The following PRKAR2B variants were observed in gnomAD, a reference collection of about 807,000 sequenced individuals.
PRKAR2B encodes protein kinase cAMP-dependent type II regulatory subunit beta.
Under a neutral mutation model 49.9 loss-of-function variants are expected in PRKAR2B, and 14 were observed. The observed-to-expected ratio is 0.28, with a 90% CI of 0.19 to 0.44. The LOEUF (loss-of-function observed/expected upper bound fraction) is 0.44, where lower values mean the gene tolerates loss of function less well. Among genes scored for constraint, PRKAR2B ranks in the 20% least tolerant of loss-of-function variants. PRKAR2B has a pLI of 1.00. For missense variants in PRKAR2B, 393 were observed against 537.9 expected (o/e 0.73, Z 2.67); for synonymous variants, 196 against 197.7 (o/e 0.99, Z 0.07).
chr7:107,063,637 A>G (rs983371745), intron 1 of PRKAR2B, among the ~76,000 whole-genome samples: 1 of 152,144 alleles, frequency 6.6e-6, no homozygotes, highest in African/African-American at 2.4e-5. Flanking sequence ...TGGCAGGAAT[A>G]TCTTCATTCT....
At chr7:107,155,411 T>C (rs542125655) in intron 8 of PRKAR2B, among the ~76,000 whole-genome samples, 1 of 152,066 alleles carries the variant, frequency 6.6e-6, no homozygotes, top group South Asian at 2.1e-4. Flanking sequence ...AAAAAATAAA[T>C]AAATACGGGT....
At chr7:107,048,430 G>A (rs999706160) in intron 1 of PRKAR2B, among the ~76,000 whole-genome samples, 2 of 151,968 alleles carry the variant, frequency 1.3e-5, no homozygotes, top group African/African-American at 4.8e-5. Flanking sequence ...TGATGGATTT[G>A]CATTGTTGGT....
intron 2 of PRKAR2B, among the ~76,000 whole-genome samples, chr7:107,071,294 CATTTT>C (rs1794271767): frequency 6.6e-6 from 1 of 152,120 alleles, no homozygotes; most frequent in South Asian, 2.1e-4. Flanking sequence ...ATATTAAAGA[CATTTT>C]AATGTTGAAT....
chr7:107,144,745 A>T (rs1046730847), intron 5 of PRKAR2B, among the ~76,000 whole-genome samples: 1 of 148,998 alleles, frequency 6.7e-6, no homozygotes, highest in East Asian at 2.0e-4. Context: ...GGCATGAGGT[A>T]CCAGGCCTGG....
At chr7:107,076,521 A>G (rs1794400735) in intron 2 of PRKAR2B, among the ~76,000 whole-genome samples, 1 of 152,202 alleles carries the variant, frequency 6.6e-6, no homozygotes, top group Admixed American at 6.5e-5. Flanking sequence ...CATAGATGGC[A>G]TTAGCACAGC....
chr7:107,093,128 G>T (rs1371823284), intron 2 of PRKAR2B, among the ~76,000 whole-genome samples: 1 of 152,140 alleles, frequency 6.6e-6, no homozygotes, highest in Non-Finnish European at 1.5e-5. Context: ...TCTGTTGATG[G>T]ACACTTGGGT....
intron 2 of PRKAR2B, among the ~76,000 whole-genome samples, chr7:107,084,375 GTTA>G (rs1794575357): frequency 6.7e-6 from 1 of 148,834 alleles, no homozygotes; most frequent in Non-Finnish European, 1.5e-5. Context: ...TAAATGTTAT[GTTA>G]TTATCTTTTC....
chr7:107,128,883 C>T (rs1229637673), intron 4 of PRKAR2B: 1 of 150,104 alleles, frequency 6.7e-6, no homozygotes, highest in Non-Finnish European at 1.5e-5. Context: ...TATGAGTGCA[C>T]GTGCTGTTCA....
intron 6 of PRKAR2B, among the ~76,000 whole-genome samples, chr7:107,150,674 T>C (rs1041565431): frequency 3.7e-4 from 51 of 138,850 alleles, no homozygotes; most frequent in Non-Finnish European, 6.2e-4. Flanking sequence ...CTGTTATGTA[T>C]AAAAAGTCAA....
At chr7:107,157,528 T>G (rs542376124) in intron 10 of PRKAR2B, among the ~76,000 whole-genome samples, 47 of 152,344 alleles carry the variant, frequency 3.1e-4, no homozygotes, top group Admixed American at 2.1e-3. Flanking sequence ...TACATTTTGC[T>G]CTTCTTGTGT....
chr7:107,153,363 T>TA, intron 8 of PRKAR2B, 112 bp downstream of exon 8: 1 of 607,298 alleles, frequency 1.6e-6, no homozygotes, highest in Non-Finnish European at 2.7e-6. Context: ...AGTGATGGGT[T>TA]AAATAAATAT....
At chr7:107,145,639 G>A (rs548154727) in intron 5 of PRKAR2B, among the ~76,000 whole-genome samples, 21 of 150,502 alleles carry the variant, frequency 1.4e-4, no homozygotes, top group African/African-American at 5.1e-4. Context: ...GGCTGGTCTT[G>A]AACTCCTAGG....
chr7:107,113,989 A>G (rs949444123), intron 2 of PRKAR2B, among the ~76,000 whole-genome samples: 3 of 152,198 alleles, frequency 2.0e-5, no homozygotes, highest in African/African-American at 7.2e-5. Context: ...TTCTTTGTTG[A>G]TAGGATTCCT....
intron 4 of PRKAR2B, among the ~76,000 whole-genome samples, chr7:107,138,205 A>C (rs1795732435): frequency 1.3e-5 from 2 of 152,172 alleles, no homozygotes; most frequent in Non-Finnish European, 2.9e-5. Flanking sequence ...AGAATGTACA[A>C]CACCAATAGC....
chr7:107,129,496 C>G (rs1405263309), intron 4 of PRKAR2B, among the ~76,000 whole-genome samples: 1 of 152,142 alleles, frequency 6.6e-6, no homozygotes, highest in African/African-American at 2.4e-5. Flanking sequence ...TGTACGCGCA[C>G]TAGGCTCTCA....
intron 8 of PRKAR2B, among the ~76,000 whole-genome samples, chr7:107,156,322 C>T (rs1584457873): frequency 6.6e-6 from 1 of 152,012 alleles, no homozygotes; most frequent in East Asian, 1.9e-4. Context: ...CCTGTAATCC[C>T]AGCTACTTGG....
intron 1 of PRKAR2B, among the ~76,000 whole-genome samples, chr7:107,068,170 A>G (rs1794190177): frequency 6.6e-6 from 1 of 152,164 alleles, no homozygotes; most frequent in Admixed American, 6.5e-5. Context: ...TAAACACTTC[A>G]GAAAGACACA....
intron 4 of PRKAR2B, 143 bp downstream of exon 4, chr7:107,128,438 A>T: frequency 1.7e-6 from 1 of 589,402 alleles, no homozygotes; most frequent in East Asian, 2.9e-5. Context: ...GGATGCTTGA[A>T]TGCACAGTAG....
intron 4 of PRKAR2B, among the ~76,000 whole-genome samples, chr7:107,137,614 TTTTGACAAA>T (rs1332476934): frequency 1.2e-4 from 19 of 152,190 alleles, no homozygotes; most frequent in African/African-American, 4.6e-4. Context: ...TTTTATTAAA[TTTTGACAAA>T]TGGCTTTTTT....
Sources: gnomAD v4.1 joint callset for allele counts (sites outside exome capture counted in the v4.1 genomes callset) on GRCh38, gnomAD v4.1.1 for gene constraint, MANE v1.5 for transcripts, NCBI Gene and HGNC (gene_info 2026-07-23, HGNC 2026-07-21) for gene names.